Variants in MBNL1 observed in about 807,000 individuals in gnomAD.
The protein encoded by MBNL1 is muscleblind-like protein 1.
MBNL1 carries 8 observed loss-of-function variants against 42.2 expected under a neutral mutation model. The observed-to-expected ratio is 0.19, with a 90% CI of 0.11 to 0.34. The LOEUF is 0.34. Ranked by LOEUF, MBNL1 falls within the 10% of genes least tolerant of loss-of-function variation. The probability of loss-of-function intolerance (pLI) is 1.00; values close to 1 mark genes in which losing one functional copy is unlikely to be tolerated. For missense variants in MBNL1, 309 were observed against 495.3 expected (o/e 0.62, Z 3.57); for synonymous variants, 169 against 173.9 (o/e 0.97, Z 0.22).
intron 2 of MBNL1, among the ~76,000 whole-genome samples, chr3:152,320,594 A>G (rs924667597): frequency 2.0e-5 from 3 of 152,012 alleles, no homozygotes; most frequent in Admixed American, 2.0e-4. Context: ...TTGGAAAACT[A>G]TTCAGCTTAA....
chr3:152,431,931 G>A (rs1024042301), intron 3 of MBNL1, among the ~76,000 whole-genome samples: 7 of 152,094 alleles, frequency 4.6e-5, no homozygotes, highest in African/African-American at 1.2e-4. Flanking sequence ...ATATATCCAC[G>A]AAAGCATTTC....
At chr3:152,410,394 G>A (rs1004834226) in intron 2 of MBNL1, among the ~76,000 whole-genome samples, 1 of 152,158 alleles carries the variant, frequency 6.6e-6, no homozygotes, top group East Asian at 1.9e-4. Context: ...CTACAAGGGG[G>A]AAATTTTGCC....
intron 2 of MBNL1, among the ~76,000 whole-genome samples, chr3:152,372,723 G>C (rs1313780852): frequency 6.6e-6 from 1 of 152,184 alleles, no homozygotes; most frequent in African/African-American, 2.4e-5. Flanking sequence ...TCCTGTATGA[G>C]GTGTCTGTTG....
At chr3:152,287,257 G>A (rs116449031) in intron 1 of MBNL1, among the ~76,000 whole-genome samples, 150 of 152,122 alleles carry the variant, frequency 9.9e-4, no homozygotes, top group African/African-American at 3.4e-3. Context: ...GTATCTTAGA[G>A]TGATGTGCAG....
At chr3:152,258,280 G>A (rs1431746268) in intron 2 of MBNL1, among the ~76,000 whole-genome samples, 1 of 152,080 alleles carries the variant, frequency 6.6e-6, no homozygotes, top group Non-Finnish European at 1.5e-5. Flanking sequence ...TCAATGTTAG[G>A]ATAATTCTCA....
chr3:152,377,247 C>G (rs934728365), intron 2 of MBNL1, among the ~76,000 whole-genome samples: 12 of 152,094 alleles, frequency 7.9e-5, no homozygotes, highest in African/African-American at 2.9e-4. Context: ...ATTGAATTGG[C>G]CTGGTCCTTG....
rs373065868 is a variant in MBNL1 at position 152,411,499 on chromosome 3, G to A, written c.175-3442G>A. On this transcript the variant is annotated intron_variant, in intron 2 of 9. Coordinates refer to ENST00000324210, the MANE Select transcript of MBNL1 (RefSeq NM_021038.5). ...CGCGCCACTGCACTCCAGCCTGAGC[G>A]ACAGAGCAAGACTCCGTCTCAAAAA... Among the ~76,000 whole-genome samples the A allele has an allele frequency of 8.5e-5, 13 of 152,222 alleles. No homozygotes were observed. In the East Asian group the frequency reaches 9.7e-4, roughly 11 times the overall value.
chr3:152,252,496 C>T (rs940426951), intron 2 of MBNL1, among the ~76,000 whole-genome samples: 1 of 151,820 alleles, frequency 6.6e-6, no homozygotes, highest in African/African-American at 2.4e-5. Flanking sequence ...TTAGACATTT[C>T]TACTAAACAA....
chr3:152,317,472 A>G (rs2072697547), intron 2 of MBNL1, among the ~76,000 whole-genome samples: 1 of 151,992 alleles, frequency 6.6e-6, no homozygotes, highest in African/African-American at 2.4e-5. Context: ...GGCATGCACC[A>G]CCATGCCGGG....
chr3:152,396,419 A>G (rs2153514887), intron 2 of MBNL1, among the ~76,000 whole-genome samples: 1 of 152,186 alleles, frequency 6.6e-6, no homozygotes, highest in South Asian at 2.1e-4. Context: ...AGAAGACATA[A>G]TGCTCAGACT....
chr3:152,407,969 T>C (rs7650259), intron 2 of MBNL1, among the ~76,000 whole-genome samples: 52,672 of 151,212 alleles, frequency 0.35, 9,329 homozygotes, highest in Middle Eastern at 0.41. Flanking sequence ...TACACTGGAG[T>C]TTGTTGGGGA....
At chr3:152,401,242 G>A (rs1245799160) in intron 2 of MBNL1, among the ~76,000 whole-genome samples, 1 of 152,144 alleles carries the variant, frequency 6.6e-6, no homozygotes, top group African/African-American at 2.4e-5. Context: ...ACAGTAGACA[G>A]ACTTGTAGAA....
intron 6 of MBNL1, among the ~76,000 whole-genome samples, chr3:152,453,449 G>T (rs1297535448): frequency 6.6e-6 from 1 of 152,080 alleles, no homozygotes; most frequent in Non-Finnish European, 1.5e-5. Flanking sequence ...TATCTTTGTA[G>T]GAGAAATTGG....
At chr3:152,333,187 C>T (rs996678520) in intron 2 of MBNL1, among the ~76,000 whole-genome samples, 7 of 152,196 alleles carry the variant, frequency 4.6e-5, no homozygotes, top group African/African-American at 1.7e-4. Context: ...ATGACAGATA[C>T]AGTGATGGTA....
intron 6 of MBNL1, among the ~76,000 whole-genome samples, chr3:152,454,158 A>C (rs1560667884): frequency 6.6e-6 from 1 of 152,184 alleles, no homozygotes; most frequent in Admixed American, 6.5e-5. Flanking sequence ...CAAGTGTCTT[A>C]ATGCTTGTCA....
intron 2 of MBNL1, among the ~76,000 whole-genome samples, chr3:152,403,684 C>T (rs1290249507): frequency 6.6e-6 from 1 of 152,068 alleles, no homozygotes; most frequent in Non-Finnish European, 1.5e-5. Flanking sequence ...AGGAGACAGG[C>T]TCAGATAACC....
intron 2 of MBNL1, among the ~76,000 whole-genome samples, chr3:152,245,398 G>A (rs1217829013): frequency 6.6e-6 from 1 of 152,080 alleles, no homozygotes; most frequent in Non-Finnish European, 1.5e-5. Context: ...GAACTACTCT[G>A]GCTATATATA....
intron 2 of MBNL1, among the ~76,000 whole-genome samples, chr3:152,342,794 A>C (rs920065297): frequency 1.3e-5 from 2 of 152,138 alleles, no homozygotes; most frequent in African/African-American, 4.8e-5. Context: ...AACCCCTCTG[A>C]GGTTCGTTAA....
In MBNL1 at chr3:152,459,266, G is replaced by C. The variant is rs1740167246; in HGVS notation, c.1093-5G>C. The C allele has an allele frequency of 6.4e-7, 1 of 1,550,534 alleles. No homozygotes were observed. The highest frequency in any genetic ancestry group is 2.3e-5 in the East Asian group (1 of 43,390). On this transcript the variant is annotated splice_polypyrimidine_tract_variant and splice_region_variant and intron_variant, in intron 8 of 9. Coordinates refer to ENST00000324210, the MANE Select transcript of MBNL1 (RefSeq NM_021038.5). ...TCATTCATTAAATAATTTTTTATTT[G>C]CTAGATACCCATAATATCTGCCGAA...
Sources: gnomAD v4.1 joint callset for allele counts (sites outside exome capture counted in the v4.1 genomes callset) on GRCh38, gnomAD v4.1.1 for gene constraint, MANE v1.5 for transcripts, NCBI Gene and HGNC (gene_info 2026-07-23, HGNC 2026-07-21) for gene names.